The following FAM167A variants were observed in gnomAD, a reference collection of about 807,000 sequenced individuals.
FAM167A encodes the protein protein FAM167A.
Under a neutral mutation model 14.9 loss-of-function variants are expected in FAM167A, and 23 were observed. The observed-to-expected ratio is 1.55, with a 90% confidence interval of 1.11 to 2.19. The LOEUF is 2.19. Ranked by LOEUF, FAM167A falls within the 30% of genes most tolerant of loss-of-function variation. The pLI is 0.00. For synonymous variants in FAM167A, 174 were observed against 117.7 expected, an observed-to-expected ratio of 1.48 and a Z score of -3.10; for missense variants, 401 against 281.5, an observed-to-expected ratio of 1.42 and a Z score of -3.04.
chr8:11,433,605 G>A (rs1470446045), intron 2 of FAM167A, among the ~76,000 whole-genome samples: 1 of 152,220 alleles, frequency 6.6e-6, no homozygotes, highest in African/African-American at 2.4e-5. Flanking sequence ...AGGCGAAAGA[G>A]TGCGTGTCCT....
At chr8:11,465,219 G>C (rs1175839679) in intron 1 of FAM167A, among the ~76,000 whole-genome samples, 1 of 152,154 alleles carries the variant, frequency 6.6e-6, no homozygotes, top group Non-Finnish European at 1.5e-5. Flanking sequence ...TGAGCCCCAC[G>C]ACACAGTTCT....
At chr8:11,462,248 C>A (rs894599034) in intron 1 of FAM167A, among the ~76,000 whole-genome samples, 1 of 152,134 alleles carries the variant, frequency 6.6e-6, no homozygotes, top group Non-Finnish European at 1.5e-5. Flanking sequence ...AGGGCAGAGC[C>A]GGGTGTCGGG....
In FAM167A at chr8:11,421,994, C is replaced by T. The variant is rs926724871; in HGVS notation, c.*2379G>A. The T allele has an allele frequency of 5.0e-6, 2 of 396,238 alleles. No homozygotes were observed. Among genetic ancestry groups the T allele is most frequent in the Non-Finnish European group, 4.4e-6 (1 of 225,122 alleles). 24.5% of individuals were successfully genotyped at this position (396,238 alleles called of 1,614,324 possible). On this transcript the variant is annotated 3_prime_UTR_variant, in exon 3 of 3. Transcript: ENST00000284486. ...GTTTAGAAAACATCGCTGTCCCCCT[C>T]CACTTCTCATCTTGGGTCACCTCCT... is the stretch of plus-strand genomic sequence containing the variant.
intron 1 of FAM167A, 68 bp from the exon 2 acceptor site, chr8:11,444,876 C>T: frequency 3.1e-6 from 3 of 981,990 alleles, no homozygotes; most frequent in Non-Finnish European, 3.6e-6. Flanking sequence ...GGCACGTCCA[C>T]TCCACAGGAG....
chr8:11,459,638 G>A (rs1807458394), intron 1 of FAM167A, among the ~76,000 whole-genome samples: 1 of 152,328 alleles, frequency 6.6e-6, no homozygotes, highest in South Asian at 2.1e-4. Context: ...CCTAAGGGAA[G>A]TTCTGCCATT....
intron 1 of FAM167A, among the ~76,000 whole-genome samples, chr8:11,447,718 C>G (rs1422152316): frequency 6.6e-6 from 1 of 152,228 alleles, no homozygotes; most frequent in Admixed American, 6.5e-5. Flanking sequence ...CCTCTTTCTA[C>G]TCTGGAGAGT....
upstream of FAM167A, among the ~76,000 whole-genome samples, chr8:11,469,633 G>T (rs985402859): frequency 6.6e-6 from 1 of 152,134 alleles, no homozygotes; most frequent in Non-Finnish European, 1.5e-5. Context: ...TTGGGAGGCC[G>T]AGGCAGGGGG....
At chr8:11,441,783 G>T (rs1427788094) in intron 2 of FAM167A, among the ~76,000 whole-genome samples, 1 of 152,172 alleles carries the variant, frequency 6.6e-6, no homozygotes, top group African/African-American at 2.4e-5. Context: ...CAGAGATCAC[G>T]GAATGAGGCT....
chr8:11,427,993 G>C lies in FAM167A; in HGVS notation c.382-3357C>G, dbSNP rs139123928. On this transcript the variant is annotated intron_variant, in intron 2 of 2. Coordinates refer to ENST00000284486, the MANE Select transcript of FAM167A (RefSeq NM_053279.3). ...CCTAAACCCTTCTGAGGAGATGGGGGTCAAACCTGCCTGAAAGATATTGTC... is the reference window on the plus strand; with the variant it reads ...CCTAAACCCTTCTGAGGAGATGGGGCTCAAACCTGCCTGAAAGATATTGTC... Among the ~76,000 whole-genome samples the C allele has an allele frequency of 4.2e-3, 637 of 152,316 alleles. 3 individuals are homozygous for C. The highest frequency in any genetic ancestry group is 0.014 in the African/African-American group (592 of 41,554).
At chr8:11,459,898 T>G (rs1807470518) in intron 1 of FAM167A, among the ~76,000 whole-genome samples, 1 of 152,166 alleles carries the variant, frequency 6.6e-6, no homozygotes, top group African/African-American at 2.4e-5. Context: ...TGGCTAATTT[T>G]TGTATTTTTA....
At chr8:11,435,959 T>C (rs1401216212) in intron 2 of FAM167A, among the ~76,000 whole-genome samples, 9 of 152,224 alleles carry the variant, frequency 5.9e-5, no homozygotes, top group African/African-American at 1.9e-4. Flanking sequence ...GTTACGTTTT[T>C]ACTTCCCATG....
chr8:11,465,444 G>A (rs1022880451), intron 1 of FAM167A, among the ~76,000 whole-genome samples: 14 of 152,180 alleles, frequency 9.2e-5, no homozygotes, highest in African/African-American at 3.4e-4. Flanking sequence ...GAAGACTGAT[G>A]GGGAGGATGG....
Position 11,463,406 on chromosome 8 carries a change from C to T in FAM167A, c.-398+3220G>A, listed in dbSNP as rs35392069. On this transcript the variant is annotated intron_variant, in intron 1 of 2. Transcript: ENST00000284486. Reference sequence around the variant, plus strand: ...GGTCCCTAAGGCAAAGACCCTCATCCAGAACCTTCCTGGGTGGCCACCACC... The same window carrying T: ...GGTCCCTAAGGCAAAGACCCTCATCTAGAACCTTCCTGGGTGGCCACCACC... 7.8e-3 allele frequency among the ~76,000 whole-genome samples: 1,195 copies of T among 152,316 alleles called. 8 individuals are homozygous for T. The highest frequency in any genetic ancestry group is 0.012 in the Non-Finnish European group (844 of 68,026).
At chr8:11,457,850 C>T (rs1807395418) in intron 1 of FAM167A, among the ~76,000 whole-genome samples, 1 of 152,242 alleles carries the variant, frequency 6.6e-6, no homozygotes, top group Non-Finnish European at 1.5e-5. Context: ...TTGCTTTCCT[C>T]ATGCTGACTG....
At chr8:11,439,955 G>A (rs547866781) in intron 2 of FAM167A, among the ~76,000 whole-genome samples, 3 of 152,206 alleles carry the variant, frequency 2.0e-5, no homozygotes, top group South Asian at 4.2e-4. Context: ...TCTGAATTCC[G>A]GACTCAGCTA....
chr8:11,437,187 G>C (rs899578148), intron 2 of FAM167A, among the ~76,000 whole-genome samples: 1 of 152,134 alleles, frequency 6.6e-6, no homozygotes, highest in East Asian at 1.9e-4. Context: ...CTTTGAGGTC[G>C]GGCAGATCTG....
intron 2 of FAM167A, among the ~76,000 whole-genome samples, chr8:11,425,716 T>C (rs1033475370): frequency 4.6e-5 from 7 of 152,188 alleles, no homozygotes; most frequent in Non-Finnish European, 1.0e-4. Flanking sequence ...GCATTAACAT[T>C]GAAATAGAGA....
chr8:11,437,587 G>A (rs1219920936), intron 2 of FAM167A, among the ~76,000 whole-genome samples: 3 of 152,038 alleles, frequency 2.0e-5, no homozygotes, highest in African/African-American at 4.8e-5. Flanking sequence ...ACCAGTTAAT[G>A]AGCCAGTTGT....
chr8:11,436,977 C>T (rs569798505), intron 2 of FAM167A, among the ~76,000 whole-genome samples: 44 of 152,196 alleles, frequency 2.9e-4, no homozygotes, highest in Non-Finnish European at 4.4e-4. Flanking sequence ...TTCCTGCCTG[C>T]GCCTCCAAAG....
Sources: gnomAD v4.1 joint callset for allele counts (sites outside exome capture counted in the v4.1 genomes callset) on GRCh38, gnomAD v4.1.1 for gene constraint, MANE v1.5 for transcripts, NCBI Gene and HGNC (gene_info 2026-07-23, HGNC 2026-07-21) for gene names.